LCORL: variants seen among roughly 807,000 people sequenced by gnomAD.
The protein encoded by LCORL is ligand-dependent nuclear receptor corepressor-like protein.
LCORL carries 41 observed loss-of-function variants against 141.8 expected under a neutral mutation model. That is an observed-to-expected ratio of 0.29 (90% CI 0.23 to 0.38). The LOEUF (loss-of-function observed/expected upper bound fraction) is 0.38. LCORL is among the 10% of genes least tolerant of loss of function. LCORL has a pLI of 1.00. For missense variants in LCORL, 1,759 were observed against 2,035.0 expected (o/e 0.86, Z 2.61); for synonymous variants, 618 against 694.1 (o/e 0.89, Z 1.72).
chr4:17,958,842 CA>C (rs1247159480), intron 4 of LCORL, among the ~76,000 whole-genome samples: 1 of 151,900 alleles, frequency 6.6e-6, no homozygotes, highest in Non-Finnish European at 1.5e-5. Flanking sequence ...CTGCAATAAA[CA>C]AAACAAAGTC....
At position 17,874,980 on chromosome 4, in the gene LCORL, G is replaced by A; in HGVS notation, c.4010C>T (p.Ser1337Phe). The change falls in exon 7 of 8, where the codon TCT (serine) becomes TTT (phenylalanine). Residue 1337 changes from serine (S) to phenylalanine (F), a missense_variant. Ser to Phe is a radical substitution (Grantham distance 155). Around this residue, in one of 5 missense-constraint regions of LCORL, gnomAD observed 1,311 missense variants for 1,531.3 expected, o/e 0.86. Transcript: ENST00000635767. ...TGCTAATGAATGTAAGAAATGCAGAGATGGTTTTCTATCCCTAATAGAATG... is the reference window on the plus strand; with the variant it reads ...TGCTAATGAATGTAAGAAATGCAGAAATGGTTTTCTATCCCTAATAGAATG... 3 of 1,233,790 alleles carry A rather than the reference G, an allele frequency of 2.4e-6. No homozygotes were observed. The South Asian group carries it at 1.2e-4, about 51-fold the overall frequency. 76.4% of individuals were successfully genotyped at this position (1,233,790 alleles called of 1,614,324 possible).
chr4:17,902,051 G>T (rs1253869575), intron 5 of LCORL, among the ~76,000 whole-genome samples: 1 of 152,072 alleles, frequency 6.6e-6, no homozygotes, highest in Non-Finnish European at 1.5e-5. Context: ...AAAACTGGTT[G>T]GGGGTAGAAG....
At chr4:17,907,226 G>A (rs565802878) in intron 5 of LCORL, among the ~76,000 whole-genome samples, 2 of 152,274 alleles carry the variant, frequency 1.3e-5, no homozygotes, top group East Asian at 1.9e-4. Context: ...TCACTATCAC[G>A]TTACTTCTAA....
At chr4:17,883,123 AG>A in intron 6 of LCORL, 1 of 977,590 alleles carries the variant, frequency 1.0e-6, no homozygotes, top group Non-Finnish European at 1.2e-6. Context: ...ATATCCTTTA[AG>A]GTTTTCTTTT....
chr4:17,998,964 CA>C (rs775544332), intron 1 of LCORL, among the ~76,000 whole-genome samples: 37 of 44,820 alleles, frequency 8.3e-4, no homozygotes, highest in African/African-American at 2.9e-3. Context: ...GACCCTGTCT[CA>C]AAAAAAAAAA....
Position 17,925,878 on chromosome 4 carries a change from CAAAAAAAAA to C in LCORL, c.431-16542_431-16534del, listed in dbSNP as rs71167343. Among the ~76,000 whole-genome samples, 7 of 96,606 alleles carry C rather than the reference CAAAAAAAAA, an allele frequency of 7.2e-5. No individual in the cohort carries two copies. The East Asian group carries it at 1.3e-3, about 17-fold the overall frequency. 63.4% of individuals were successfully genotyped at this position (96,606 alleles called of 152,430 possible). A position where few individuals can be genotyped will look rare whatever the true frequency, so the allele number is the denominator to read the frequency against. ...AGAGTGACAGAGTGAGATTCCATCT[CAAAAAAAAA>C]AAAAAAAAAAAAAAAAAAGAACATG... On this transcript the variant is annotated intron_variant, in intron 4 of 7. Transcript: ENST00000635767.
chr4:17,980,755 A>G (rs552808971), intron 1 of LCORL, among the ~76,000 whole-genome samples: 49 of 152,332 alleles, frequency 3.2e-4, no homozygotes, highest in African/African-American at 1.2e-3. Context: ...ACCACACAGC[A>G]GGAGGTGAGC....
Position 17,893,429 on chromosome 4 carries a change from T to A in LCORL, c.683-7268A>T, listed in dbSNP as rs1013555334. 7.1e-6 allele frequency: 7 copies of A among 984,136 alleles called. No homozygotes were observed. The African/African-American group carries it at 1.2e-4, about 17-fold the overall frequency. 61.0% of individuals were successfully genotyped at this position (984,136 alleles called of 1,614,324 possible). A position where few individuals can be genotyped will look rare whatever the true frequency, so the allele number is the denominator to read the frequency against. On this transcript the variant is annotated intron_variant, in intron 5 of 7. Transcript: ENST00000635767. ...AAAAATACTTAGTAACATAAGGATG[T>A]CAAAAATATAAATTATGCAAACAGT...
At chr4:17,892,491 TGAA>T (rs1729266795) in intron 5 of LCORL, among the ~76,000 whole-genome samples, 1 of 152,192 alleles carries the variant, frequency 6.6e-6, no homozygotes, top group Non-Finnish European at 1.5e-5. Context: ...ATTACAGGCA[TGAA>T]CCACCATGCC....
At chr4:17,962,895 C>T in intron 3 of LCORL, 75 bp downstream of exon 3, 1 of 762,982 alleles carries the variant, frequency 1.3e-6, no homozygotes, top group East Asian at 3.0e-5. Context: ...ATTTTCAAAA[C>T]AAATTAAGAT....
At chr4:17,974,325 T>A (rs1031147384) in intron 1 of LCORL, among the ~76,000 whole-genome samples, 3 of 152,096 alleles carry the variant, frequency 2.0e-5, no homozygotes, top group African/African-American at 4.8e-5. Context: ...TTAGTTAACT[T>A]CTTCTACTAT....
chr4:17,951,797 A>G (rs534019026), intron 4 of LCORL, among the ~76,000 whole-genome samples: 1 of 152,352 alleles, frequency 6.6e-6, no homozygotes, highest in South Asian at 2.1e-4. Context: ...GGCATGTAGT[A>G]GGAGCTTAGT....
chr4:17,998,416 A>C (rs922831238), intron 1 of LCORL, among the ~76,000 whole-genome samples: 15 of 152,036 alleles, frequency 9.9e-5, no homozygotes, highest in African/African-American at 3.4e-4. Flanking sequence ...GTCTTATTCT[A>C]TAATTTTTTT....
chr4:17,947,500 A>G (rs1156396400), intron 4 of LCORL, among the ~76,000 whole-genome samples: 1 of 151,924 alleles, frequency 6.6e-6, no homozygotes, highest in Non-Finnish European at 1.5e-5. Context: ...AATGTGATGA[A>G]TAGAGTTAAA....
At chr4:17,907,452 A>T (rs1446851370) in intron 5 of LCORL, among the ~76,000 whole-genome samples, 1 of 152,210 alleles carries the variant, frequency 6.6e-6, no homozygotes, top group Non-Finnish European at 1.5e-5. Context: ...TGGGATTTCA[A>T]CCACTAGTCT....
intron 4 of LCORL, among the ~76,000 whole-genome samples, chr4:17,932,004 C>A (rs1490187937): frequency 6.6e-6 from 1 of 152,154 alleles, no homozygotes; most frequent in Non-Finnish European, 1.5e-5. Context: ...CATCCACACA[C>A]ATTATGAATT....
At chr4:17,892,725 A>C (rs1248911268) in intron 5 of LCORL, among the ~76,000 whole-genome samples, 1 of 152,202 alleles carries the variant, frequency 6.6e-6, no homozygotes, top group African/African-American at 2.4e-5. Context: ...AGGCTTCAAC[A>C]TTTCCACCAA....
At chr4:17,892,104 TCA>T (rs1438434679) in intron 5 of LCORL, among the ~76,000 whole-genome samples, 1 of 152,222 alleles carries the variant, frequency 6.6e-6, no homozygotes, top group Non-Finnish European at 1.5e-5. Flanking sequence ...CTATGGCGTT[TCA>T]GTCATGGGAG....
chr4:17,948,415 AAGAC>A (rs1393206257), intron 4 of LCORL, among the ~76,000 whole-genome samples: 3 of 152,074 alleles, frequency 2.0e-5, no homozygotes, highest in Non-Finnish European at 4.4e-5. Flanking sequence ...GATGAAATAA[AAGAC>A]AGTGTCTATC....
Sources: allele counts gnomAD v4.1 joint callset (sites outside exome capture counted in the v4.1 genomes callset), GRCh38; gene constraint gnomAD v4.1.1; regional missense constraint gnomAD v4.1.1; transcripts MANE v1.5; gene names NCBI Gene and HGNC (gene_info 2026-07-23, HGNC 2026-07-21).